The following RGS7 variants were observed in gnomAD, a reference collection of about 807,000 sequenced individuals.
RGS7 encodes the protein regulator of G-protein signaling 7.
RGS7 carries 27 observed loss-of-function variants against 81.1 expected under a neutral mutation model. That is an observed-to-expected ratio of 0.33 (90% confidence interval 0.25 to 0.46). RGS7 has a LOEUF of 0.46. Among genes scored for constraint, RGS7 ranks in the 20% least tolerant of loss-of-function variants. The pLI, the probability that RGS7 is intolerant of heterozygous loss-of-function variation, is 1.00. For missense variants in RGS7, 396 were observed against 607.4 expected (o/e 0.65, Z 3.66); for synonymous variants, 208 against 207.7 (o/e 1.00, Z -0.01).
intron 2 of RGS7, among the ~76,000 whole-genome samples, chr1:241,176,767 C>A (rs2071178896): frequency 6.6e-6 from 1 of 151,976 alleles, no homozygotes; most frequent in Admixed American, 6.6e-5. Context: ...AGACTTATGA[C>A]CTGAGGGAAA....
intron 2 of RGS7, among the ~76,000 whole-genome samples, chr1:241,259,230 C>T (rs554207202): frequency 1.3e-5 from 2 of 152,222 alleles, no homozygotes; most frequent in African/African-American, 4.8e-5. Context: ...ACTATACTAG[C>T]CGTGGTATTG....
intron 2 of RGS7, among the ~76,000 whole-genome samples, chr1:241,272,489 G>A (rs963436635): frequency 1.3e-5 from 2 of 152,090 alleles, no homozygotes; most frequent in African/African-American, 4.8e-5. Flanking sequence ...TTTTGTCATG[G>A]CTTTTGATTT....
chr1:240,988,453 G>A (rs1470900837), intron 3 of RGS7, among the ~76,000 whole-genome samples: 2 of 151,900 alleles, frequency 1.3e-5, no homozygotes, highest in African/African-American at 4.8e-5. Context: ...TTAAAACACT[G>A]CAGACTTTCT....
chr1:241,256,114 C>G (rs1282871827), intron 2 of RGS7, among the ~76,000 whole-genome samples: 3 of 152,166 alleles, frequency 2.0e-5, no homozygotes, highest in Non-Finnish European at 2.9e-5. Flanking sequence ...CTGTAATTCT[C>G]TAGCCACACC....
intron 2 of RGS7, among the ~76,000 whole-genome samples, chr1:241,351,775 T>C (rs2083268163): frequency 6.6e-6 from 1 of 152,186 alleles, no homozygotes; most frequent in African/African-American, 2.4e-5. Context: ...AACAGTGAAC[T>C]TGGTAAGTCT....
chr1:241,229,430 G>A (rs533847989), intron 2 of RGS7, among the ~76,000 whole-genome samples: 26 of 152,272 alleles, frequency 1.7e-4, no homozygotes, highest in African/African-American at 5.8e-4. Context: ...GTCCTCACGC[G>A]TGTAGCTTCC....
At chr1:241,062,365 A>T (rs1188527235) in intron 3 of RGS7, among the ~76,000 whole-genome samples, 1 of 152,168 alleles carries the variant, frequency 6.6e-6, no homozygotes, top group Non-Finnish European at 1.5e-5. Context: ...CATACTGTAC[A>T]GTCAAAAAGA....
chr1:241,084,007 C>G (rs952309068), intron 3 of RGS7, among the ~76,000 whole-genome samples: 1 of 152,196 alleles, frequency 6.6e-6, no homozygotes, highest in Non-Finnish European at 1.5e-5. Context: ...CTTCTTCAAA[C>G]TGACTCCAAA....
chr1:241,003,460 C>CAAA (rs554768415), intron 3 of RGS7, among the ~76,000 whole-genome samples: 12 of 83,300 alleles, frequency 1.4e-4, no homozygotes, highest in South Asian at 4.6e-4. Context: ...GACTCCGTCT[C>CAAA]AAAAAAAAAA....
intron 2 of RGS7, among the ~76,000 whole-genome samples, chr1:241,103,177 G>GTGTGTATATATATAT: frequency 6.6e-6 from 1 of 152,012 alleles, no homozygotes; most frequent in African/African-American, 2.4e-5. Context: ...ATATATATGT[G>GTGTGTATATATATAT]TGTATATATA....
intron 3 of RGS7, among the ~76,000 whole-genome samples, chr1:241,087,101 C>T (rs2063494680): frequency 6.6e-6 from 1 of 152,202 alleles, no homozygotes; most frequent in South Asian, 2.1e-4. Context: ...GCTTAATTCT[C>T]TGTATCGCTA....
intron 2 of RGS7, among the ~76,000 whole-genome samples, chr1:241,218,038 T>C (rs1387917346): frequency 1.3e-5 from 2 of 152,212 alleles, no homozygotes; most frequent in African/African-American, 2.4e-5. Context: ...TATATTTGTG[T>C]GTCTGTGTTC....
intron 2 of RGS7, among the ~76,000 whole-genome samples, chr1:241,222,665 G>C (rs1231671257): frequency 6.6e-6 from 1 of 152,096 alleles, no homozygotes; most frequent in Admixed American, 6.6e-5. Flanking sequence ...TAAATATTAT[G>C]ATTCTCACAT....
At chr1:241,329,029 G>A (rs1348058139) in intron 2 of RGS7, among the ~76,000 whole-genome samples, 1 of 152,104 alleles carries the variant, frequency 6.6e-6, no homozygotes, top group Admixed American at 6.5e-5. Flanking sequence ...TTCCATATGG[G>A]CAACATAAAG....
intron 3 of RGS7, among the ~76,000 whole-genome samples, chr1:241,098,319 CATCA>C (rs1227569612): frequency 3.3e-5 from 5 of 152,218 alleles, no homozygotes. Context: ...CCTTACTCCC[CATCA>C]GTCAGGAAAA....
At chr1:240,801,399 T>C in intron 17 of RGS7, 56 bp downstream of exon 17, 1 of 1,200,046 alleles carries the variant, frequency 8.3e-7, no homozygotes, top group South Asian at 1.3e-5. Flanking sequence ...AATAGGGAAA[T>C]TGGAAAAATT....
intron 6 of RGS7, among the ~76,000 whole-genome samples, chr1:240,908,496 A>G (rs987267455): frequency 3.3e-5 from 5 of 152,174 alleles, no homozygotes; most frequent in Non-Finnish European, 7.3e-5. Flanking sequence ...TGAATCAATC[A>G]ATCAACGTCT....
chr1:241,328,992 C>T (rs2081792721), intron 2 of RGS7, among the ~76,000 whole-genome samples: 1 of 152,144 alleles, frequency 6.6e-6, no homozygotes, highest in Admixed American at 6.5e-5. Flanking sequence ...TTACCACTCA[C>T]CGTCACAAAT....
intron 2 of RGS7, among the ~76,000 whole-genome samples, chr1:241,310,974 A>G (rs370840703): frequency 1.3e-5 from 2 of 152,198 alleles, no homozygotes; most frequent in African/African-American, 4.8e-5. Context: ...TGGAAGACAG[A>G]GGACTGGATC....
Sources: gnomAD v4.1 joint callset for allele counts (sites outside exome capture counted in the v4.1 genomes callset) on GRCh38, gnomAD v4.1.1 for gene constraint, MANE v1.5 for transcripts, NCBI Gene and HGNC (gene_info 2026-07-23, HGNC 2026-07-21) for gene names.